PGA5: variants seen among roughly 807,000 people sequenced by gnomAD.
PGA5 encodes the protein pepsin A-5.
In PGA5, 19 loss-of-function variants were observed where a neutral mutation model predicts 15.9. That is an observed-to-expected ratio of 1.19 (90% CI 0.83 to 1.75). The LOEUF is 1.75. PGA5 is among the 40% of genes most tolerant of loss of function. The probability of loss-of-function intolerance (pLI) is 0.00; values close to 1 mark genes in which losing one functional copy is unlikely to be tolerated. For synonymous variants in PGA5, 92 were observed against 95.8 expected (o/e 0.96, Z 0.23); for missense variants, 224 against 246.4 (o/e 0.91, Z 0.61).
intron 6 of PGA5, among the ~76,000 whole-genome samples, chr11:61,248,944 T>G (rs1168989353): frequency 6.6e-6 from 1 of 152,056 alleles, no homozygotes; most frequent in Non-Finnish European, 1.5e-5. Context: ...GGCTAAGAAA[T>G]TGTGTGAAGT....
chr11:61,249,604 T>G, intron 6 of PGA5, 65 bp from the exon 7 acceptor site: 1 of 1,612,976 alleles, frequency 6.2e-7, no homozygotes, highest in South Asian at 1.1e-5. Flanking sequence ...GCTCACCTCC[T>G]GGTTCCTCCT....
intron 5 of PGA5, among the ~76,000 whole-genome samples, chr11:61,247,851 C>G (rs2508466): frequency 6.6e-6 from 1 of 151,856 alleles, no homozygotes; most frequent in Non-Finnish European, 1.5e-5. Flanking sequence ...TTTCAGACCA[C>G]CATAATTCCT....
intron 8 of PGA5, 73 bp from the exon 9 acceptor site, chr11:61,251,059 G>A: frequency 1.2e-6 from 2 of 1,611,028 alleles, no homozygotes; most frequent in African/African-American, 1.3e-5. Flanking sequence ...AGGGCTCCCT[G>A]GATGTTTATC....
Position 61,251,407 on chromosome 11 carries a change from C to T in PGA5, c.*126C>T. 1.3e-6 allele frequency: 2 copies of T among 1,483,240 alleles called. No individual in the cohort carries two copies. Among genetic ancestry groups the T allele is most frequent in the Non-Finnish European group, 1.8e-6 (2 of 1,106,180 alleles). The allele number at this position is 1,483,240 out of a possible 1,614,324, so 91.9% of individuals were successfully genotyped here. A position where few individuals can be genotyped will look rare whatever the true frequency, so the allele number is the denominator to read the frequency against. On this transcript the variant is annotated 3_prime_UTR_variant, in exon 9 of 9. Coordinates refer to ENST00000312403, the MANE Select transcript of PGA5 (RefSeq NM_014224.5). ...GAAGGTCTTGGCCCTGTTCCCTGTCCTACCAATAACGTAGAATAAAAACAT... is the reference window on the plus strand; with the variant it reads ...GAAGGTCTTGGCCCTGTTCCCTGTCTTACCAATAACGTAGAATAAAAACAT...
At chr11:61,248,348 G>A (rs1429428942) in intron 5 of PGA5, 71 bp from the exon 6 acceptor site, 3 of 1,613,662 alleles carry the variant, frequency 1.9e-6, no homozygotes, top group East Asian at 2.2e-5. Flanking sequence ...TCGCTCTGAG[G>A]AGGCAACAGC....
In PGA5 at chr11:61,251,173, C is replaced by T. The variant is rs895591744; in HGVS notation, c.1059C>T (p.Val353=). The T allele has an allele frequency of 1.2e-6, 2 of 1,611,798 alleles. No homozygotes were observed. Among genetic ancestry groups the T allele is most frequent in the African/African-American group, 1.3e-5 (1 of 74,782 alleles). Residue 353 remains valine (V), a synonymous_variant, in exon 9 of 9, where the codon GTC becomes GTT. Coordinates refer to ENST00000312403, the MANE Select transcript of PGA5 (RefSeq NM_014224.5). ...SCISGFQGMN[V]PTESGELWIL... is the part of the protein sequence containing the mutation. The stretch of plus-strand genomic sequence containing the variant: ...TCAGTGGCTTCCAGGGCATGAACGT[C>T]CCCACCGAATCTGGAGAGCTTTGGA...
chr11:61,249,824 C>A lies in PGA5; in HGVS notation c.918+11C>A. ...AACTCAGATGGCGACGTGAGTCCAG[C>A]CCCGACTGCCCTGTTCTACACTCAA... On this transcript the variant is annotated intron_variant, in intron 7 of 8. Transcript: ENST00000312403. 1.2e-6 allele frequency: 2 copies of A among 1,613,700 alleles called. No homozygotes were observed. The highest frequency in any genetic ancestry group is 4.5e-5 in the East Asian group (2 of 44,886).
chr11:61,249,506 A>C, intron 6 of PGA5, 163 bp from the exon 7 acceptor site: 1 of 1,328,370 alleles, frequency 7.5e-7, no homozygotes, highest in East Asian at 2.4e-5. Context: ...TTTGTAGGGT[A>C]AATGAATGCG....
chr11:61,248,471 T>C lies in PGA5; in HGVS notation c.709T>C (p.Tyr237His), dbSNP rs147262147. ...VIFGGIDSSY[Y>H]TGSLNWVPVT... Reference sequence around the variant, plus strand: ...CTTTGGTGGCATTGACTCTTCTTACTACACTGGAAGTCTGAACTGGGTGCC... The same window carrying C: ...CTTTGGTGGCATTGACTCTTCTTACCACACTGGAAGTCTGAACTGGGTGCC... The change falls in exon 6 of 9, where the codon TAC (tyrosine) becomes CAC (histidine). Residue 237 changes from tyrosine to histidine, a missense_variant. Coordinates refer to ENST00000312403, the MANE Select transcript of PGA5 (RefSeq NM_014224.5). 1.1e-4 allele frequency: 174 copies of C among 1,613,756 alleles called. 4 individuals are homozygous for C. In the African/African-American group the frequency reaches 1.6e-3, roughly 15 times the overall value.
chr11:61,248,980 G>T (rs1337951109), intron 6 of PGA5, among the ~76,000 whole-genome samples: 1 of 152,080 alleles, frequency 6.6e-6, no homozygotes, highest in Non-Finnish European at 1.5e-5. Flanking sequence ...TCCCCTTCGG[G>T]GCCTCCCCTG....
rs1050288824 is a variant in PGA5 at position 61,250,950 on chromosome 11, A to G, written c.1018-182A>G. Among the ~76,000 whole-genome samples, 71 of 151,320 alleles carry G rather than the reference A, an allele frequency of 4.7e-4. 1 individual carries two copies. The highest frequency in any genetic ancestry group is 1.4e-3 in the African/African-American group (59 of 41,074). ...AGTAATGCGTAGAAACCAGTCGTGC[A>G]TTGGATGGCTTCTACAGGCTGACTC... is the stretch of plus-strand genomic sequence containing the variant. On this transcript the variant is annotated intron_variant, in intron 8 of 8. Coordinates refer to ENST00000312403, the MANE Select transcript of PGA5 (RefSeq NM_014224.5).
intron 6 of PGA5, 108 bp downstream of exon 6, chr11:61,248,643 C>T (rs1279484090): frequency 1.5e-5 from 23 of 1,561,376 alleles, no homozygotes; most frequent in Non-Finnish European, 1.7e-5. Context: ...ACAGCTGGCA[C>T]AGGGGAACAC....
chr11:61,246,650 C>T (rs564412062), intron 5 of PGA5, among the ~76,000 whole-genome samples: 29 of 151,986 alleles, frequency 1.9e-4, no homozygotes, highest in African/African-American at 6.8e-4. Context: ...GTACTCCCAG[C>T]TACTCAGGAG....
chr11:61,250,134 C>T, intron 8 of PGA5, 120 bp downstream of exon 8: 2 of 1,092,826 alleles, frequency 1.8e-6, no homozygotes, highest in Non-Finnish European at 1.4e-6. Flanking sequence ...GGCAGACGAA[C>T]ATCTGCCCTA....
rs1341664431 is a variant in PGA5, at chr11:61,248,447, T to G, written c.685T>G (p.Phe229Val). Reference protein sequence around the residue: ...ADDKSGSVVIFGGIDSSYYTG... With the variant: ...ADDKSGSVVIVGGIDSSYYTG... ...TGACAAGAGTGGCAGCGTGGTGATC[T>G]TTGGTGGCATTGACTCTTCTTACTA... The change falls in exon 6 of 9, where the codon TTT becomes GTT. Residue 229 changes from phenylalanine to valine, a missense_variant. Transcript: ENST00000312403. 6 of 1,613,800 alleles carry G rather than the reference T, an allele frequency of 3.7e-6. 1 individual carries two copies. The African/African-American group carries it at 8.0e-5, about 22-fold the overall frequency.
intron 5 of PGA5, among the ~76,000 whole-genome samples, chr11:61,247,009 C>G (rs1378205815): frequency 1.3e-5 from 2 of 151,946 alleles, no homozygotes; most frequent in Non-Finnish European, 2.9e-5. Flanking sequence ...AAAGAATAAA[C>G]CAAATGTCAG....
chr11:61,249,451 C>G, intron 6 of PGA5: 1 of 906,992 alleles, frequency 1.1e-6, no homozygotes, highest in Non-Finnish European at 1.6e-6. Context: ...TCTTGTTTCG[C>G]TTGGCGTTTC....
At chr11:61,248,621 A>G in intron 6 of PGA5, 86 bp downstream of exon 6, 2 of 1,577,376 alleles carry the variant, frequency 1.3e-6, no homozygotes, top group South Asian at 2.2e-5. Context: ...GCTTTCCAGA[A>G]TCCCCCCAGG....
At chr11:61,247,331 T>A (rs1590591462) in intron 5 of PGA5, among the ~76,000 whole-genome samples, 1 of 150,698 alleles carries the variant, frequency 6.6e-6, no homozygotes, top group East Asian at 1.9e-4. Flanking sequence ...CAGGCTGGAG[T>A]GCAGTGGCGC....
Sources: gnomAD v4.1 joint callset for allele counts (sites outside exome capture counted in the v4.1 genomes callset) on GRCh38, gnomAD v4.1.1 for gene constraint, MANE v1.5 for transcripts, NCBI Gene and HGNC (gene_info 2026-07-23, HGNC 2026-07-21) for gene names.